ADGRB3: variants seen among roughly 807,000 people sequenced by gnomAD.
ADGRB3 encodes adhesion G protein-coupled receptor B3.
A neutral mutation model predicts 193.4 loss-of-function variants in ADGRB3; 37 were observed. That is an observed-to-expected ratio of 0.19 (90% CI 0.15 to 0.25). The LOEUF is 0.25. Among genes scored for constraint, ADGRB3 ranks in the 10% least tolerant of loss-of-function variants. ADGRB3 has a pLI of 1.00. For missense variants in ADGRB3, 1,637 were observed against 1,852.9 expected, an observed-to-expected ratio of 0.88 and a Z score of 2.14; for synonymous variants, 690 against 644.2, an observed-to-expected ratio of 1.07 and a Z score of -1.08.
intron 3 of ADGRB3, among the ~76,000 whole-genome samples, chr6:68,917,987 G>A (rs926150747): frequency 9.9e-5 from 15 of 152,080 alleles, no homozygotes; most frequent in Admixed American, 2.0e-4. Context: ...CCCACTAGGA[G>A]GATATACTCT....
intron 17 of ADGRB3, among the ~76,000 whole-genome samples, chr6:69,191,200 C>G (rs1765179257): frequency 6.6e-6 from 1 of 152,148 alleles, no homozygotes; most frequent in Admixed American, 6.5e-5. Flanking sequence ...AAGACTAGAA[C>G]TCATCACTTT....
intron 17 of ADGRB3, among the ~76,000 whole-genome samples, chr6:69,130,921 G>A (rs1273161731): frequency 6.6e-6 from 1 of 151,950 alleles, no homozygotes. Flanking sequence ...GTTTTTATTT[G>A]ATGTTCGCTA....
At chr6:69,254,301 T>C (rs1484845619) in intron 20 of ADGRB3, among the ~76,000 whole-genome samples, 1 of 152,160 alleles carries the variant, frequency 6.6e-6, no homozygotes. Flanking sequence ...AATTCAAACA[T>C]AAATGCTATT....
At chr6:68,690,880 C>A (rs892713005) in intron 3 of ADGRB3, among the ~76,000 whole-genome samples, 2 of 152,022 alleles carry the variant, frequency 1.3e-5, no homozygotes, top group South Asian at 2.1e-4. Flanking sequence ...GTAGAGAACA[C>A]ATTTTGGGTT....
At chr6:69,061,265 A>G (rs978074705) in intron 15 of ADGRB3, among the ~76,000 whole-genome samples, 2 of 152,018 alleles carry the variant, frequency 1.3e-5, no homozygotes, top group African/African-American at 4.8e-5. Flanking sequence ...AACCCATGCG[A>G]AACAGGTGTA....
At chr6:69,031,568 C>CTTTCTTTCTTTCTTTCTTTCTTTCT (rs1470963236) in intron 13 of ADGRB3, among the ~76,000 whole-genome samples, 1 of 2,754 alleles carries the variant, frequency 3.6e-4, no homozygotes, top group Non-Finnish European at 1.0e-3. Flanking sequence ...TCTTTCTTTT[C>CTTTCTTTCTTTCTTTCTTTCTTTCT]TTCCTCTGTC....
intron 12 of ADGRB3, among the ~76,000 whole-genome samples, chr6:69,015,554 CG>C (rs753313622): frequency 1.4e-4 from 22 of 151,874 alleles, no homozygotes; most frequent in Non-Finnish European, 2.9e-4. Flanking sequence ...GTGGCACAAA[CG>C]GTGAACTTTG....
At chr6:69,292,777 G>A (rs1767717591) in intron 20 of ADGRB3, among the ~76,000 whole-genome samples, 1 of 151,704 alleles carries the variant, frequency 6.6e-6, no homozygotes, top group Non-Finnish European at 1.5e-5. Context: ...GTGCAGGTTA[G>A]TTACATATGT....
chr6:69,136,395 C>T (rs962461613), intron 17 of ADGRB3, among the ~76,000 whole-genome samples: 2 of 152,070 alleles, frequency 1.3e-5, no homozygotes, highest in Admixed American at 6.6e-5. Flanking sequence ...ATAAATGTAG[C>T]ACTTAAAATG....
chr6:69,204,708 T>A (rs1263703009), intron 17 of ADGRB3, among the ~76,000 whole-genome samples: 1 of 152,226 alleles, frequency 6.6e-6, no homozygotes, highest in African/African-American at 2.4e-5. Flanking sequence ...ATCTAGAAAT[T>A]AAAAGAATCA....
At chr6:68,685,271 T>G (rs1178944684) in intron 3 of ADGRB3, among the ~76,000 whole-genome samples, 3 of 152,192 alleles carry the variant, frequency 2.0e-5, no homozygotes, top group African/African-American at 7.2e-5. Context: ...TTTAAAGAAG[T>G]TATAAATTAT....
intron 24 of ADGRB3, among the ~76,000 whole-genome samples, chr6:69,337,620 A>G (rs370092226): frequency 6.6e-6 from 1 of 152,190 alleles, no homozygotes; most frequent in South Asian, 2.1e-4. Context: ...TTTGGCAACT[A>G]CATGTGCCCT....
chr6:68,959,859 A>G (rs796838486), intron 8 of ADGRB3, among the ~76,000 whole-genome samples: 1 of 152,198 alleles, frequency 6.6e-6, no homozygotes, highest in Non-Finnish European at 1.5e-5. Flanking sequence ...GACTCACCAG[A>G]TAATGGTTTC....
At chr6:68,748,480 G>A (rs1766128111) in intron 3 of ADGRB3, among the ~76,000 whole-genome samples, 1 of 152,146 alleles carries the variant, frequency 6.6e-6, no homozygotes, top group Non-Finnish European at 1.5e-5. Flanking sequence ...AAATTTTAAA[G>A]CTCCAAAACA....
At chr6:68,972,751 A>G (rs529004788) in intron 8 of ADGRB3, among the ~76,000 whole-genome samples, 2 of 152,330 alleles carry the variant, frequency 1.3e-5, no homozygotes, top group African/African-American at 2.4e-5. Flanking sequence ...ACCTAACGTA[A>G]GGAAGAAGTA....
At chr6:69,057,138 T>C (rs1172395933) in intron 15 of ADGRB3, among the ~76,000 whole-genome samples, 1 of 152,122 alleles carries the variant, frequency 6.6e-6, no homozygotes, top group Non-Finnish European at 1.5e-5. Context: ...ACTCATATTT[T>C]ATTTATTTTG....
At chr6:69,250,538 C>T (rs1020611779) in intron 20 of ADGRB3, among the ~76,000 whole-genome samples, 1 of 152,086 alleles carries the variant, frequency 6.6e-6, no homozygotes, top group Non-Finnish European at 1.5e-5. Flanking sequence ...ATTTATAATC[C>T]TCACCATTTC....
intron 15 of ADGRB3, 83 bp downstream of exon 15, chr6:69,049,429 A>C (rs909189654): frequency 2.8e-5 from 29 of 1,035,838 alleles, no homozygotes; most frequent in Non-Finnish European, 3.4e-5. Flanking sequence ...AAATAGTCAA[A>C]CAAGCTGTGG....
intron 30 of ADGRB3, among the ~76,000 whole-genome samples, chr6:69,372,911 AT>A (rs1439818110): frequency 6.6e-6 from 1 of 151,506 alleles, no homozygotes; most frequent in Non-Finnish European, 1.5e-5. Flanking sequence ...TCTGCGGTAC[AT>A]TTGATGCTTT....
Sources: allele counts gnomAD v4.1 joint callset (sites outside exome capture counted in the v4.1 genomes callset), GRCh38; gene constraint gnomAD v4.1.1; transcripts MANE v1.5; gene names NCBI Gene and HGNC (gene_info 2026-07-23, HGNC 2026-07-21).